CMKLR1: variants seen among roughly 807,000 people sequenced by gnomAD.
CMKLR1 encodes the protein chemerin chemokine-like receptor 1, also known as chemerin-like receptor 1.
CMKLR1 carries 6 observed loss-of-function variants against 8.2 expected under a neutral mutation model. The ratio of observed to expected loss-of-function variants is 0.73; its 90% confidence interval spans 0.40 to 1.44. The LOEUF (loss-of-function observed/expected upper bound fraction) is 1.44. Among genes scored for constraint, CMKLR1 ranks in the 40% most tolerant of loss-of-function variants. The probability of loss-of-function intolerance (pLI) is 0.02; values close to 1 mark genes in which losing one functional copy is unlikely to be tolerated. For synonymous variants in CMKLR1, 178 were observed against 181.2 expected, an observed-to-expected ratio of 0.98 and a Z score of 0.14; for missense variants, 429 against 478.0, an observed-to-expected ratio of 0.90 and a Z score of 0.96.
At position 108,291,789 on chromosome 12, in the gene CMKLR1, C is replaced by T. The variant is rs989317699; in HGVS notation, c.*52G>A. The T allele has an allele frequency of 6.5e-6, 10 of 1,544,480 alleles. No homozygotes were observed. The highest frequency in any genetic ancestry group is 1.4e-5 in the African/African-American group (1 of 72,730). On this transcript the variant is annotated 3_prime_UTR_variant, in exon 4 of 4. Coordinates refer to ENST00000550402, the MANE Select transcript of CMKLR1 (RefSeq NM_001142343.2). ...TTGCCTTGATCTTCAGAAGACATATCCTTGGGTGTCCCTGGGTTGAGAGAG... is the reference window on the plus strand; with the variant it reads ...TTGCCTTGATCTTCAGAAGACATATTCTTGGGTGTCCCTGGGTTGAGAGAG...
intron 2 of CMKLR1, among the ~76,000 whole-genome samples, chr12:108,294,115 AC>A (rs1170466590): frequency 6.6e-6 from 1 of 152,208 alleles, no homozygotes; most frequent in Non-Finnish European, 1.5e-5. Context: ...TGTGCCAAGA[AC>A]TTTTATTCTT....
At chr12:108,315,394 T>C (rs1341528709) in intron 2 of CMKLR1, among the ~76,000 whole-genome samples, 1 of 152,202 alleles carries the variant, frequency 6.6e-6, no homozygotes, top group African/African-American at 2.4e-5. Context: ...TTATGCTTCT[T>C]GTCATGTTCC....
At position 108,292,681 on chromosome 12, in the gene CMKLR1, G is replaced by C; in HGVS notation, c.282C>G (p.Ile94Met). Reference sequence around the variant, plus strand: ...AGTCCATGGCGGCATAGGTGATATGGATTGGGAGGAAGACGTTGAACAGGA... The same window carrying C: ...AGTCCATGGCGGCATAGGTGATATGCATTGGGAGGAAGACGTTGAACAGGA... ...ADFLFNVFLP[I>M]HITYAAMDYH... Residue 94 changes from isoleucine (I) to methionine (M), a missense_variant, in exon 4 of 4, where the codon ATC becomes ATG. Ile to Met is a conservative substitution (Grantham distance 10, BLOSUM62 1). Coordinates refer to ENST00000550402, the MANE Select transcript of CMKLR1 (RefSeq NM_001142343.2). The C allele has an allele frequency of 6.2e-7, 1 of 1,614,172 alleles. No individual in the cohort carries two copies. Among genetic ancestry groups the C allele is most frequent in the African/African-American group, 1.3e-5 (1 of 75,022 alleles).
Position 108,288,963 on chromosome 12 carries a change from C to CCA in CMKLR1, c.*2876_*2877dup, listed in dbSNP as rs1555250085. On this transcript the variant is annotated 3_prime_UTR_variant, in exon 4 of 4. Coordinates refer to ENST00000550402, the MANE Select transcript of CMKLR1 (RefSeq NM_001142343.2). The stretch of plus-strand genomic sequence containing the variant: ...GAAACTCACTTTCTGCACCCCCCCC[C>CCA]CACCTTGCTATGATGGTCCCCTTCT... 1 of 152,122 alleles carries CCA rather than the reference C, an allele frequency of 6.6e-6. No individual in the cohort carries two copies. Among genetic ancestry groups the CCA allele is most frequent in the African/African-American group, 2.4e-5 (1 of 41,258 alleles). The allele number at this position is 152,122 out of a possible 1,614,324, so 9.4% of individuals were successfully genotyped here.
intron 2 of CMKLR1, among the ~76,000 whole-genome samples, chr12:108,312,375 C>T (rs572266057): frequency 2.6e-5 from 4 of 152,274 alleles, no homozygotes; most frequent in Admixed American, 2.6e-4. Context: ...CTTCCTCTCC[C>T]TAGGACTTCC....
chr12:108,327,592 G>GC (rs1892008066), intron 2 of CMKLR1, among the ~76,000 whole-genome samples: 1 of 152,200 alleles, frequency 6.6e-6, no homozygotes, highest in Non-Finnish European at 1.5e-5. Context: ...TTTTCCCACT[G>GC]CCCACACATC....
At chr12:108,299,693 C>T (rs1891217714) in intron 2 of CMKLR1, among the ~76,000 whole-genome samples, 2 of 152,114 alleles carry the variant, frequency 1.3e-5, no homozygotes, top group Non-Finnish European at 2.9e-5. Context: ...GAACAGAAGG[C>T]CATGTGGGGA....
chr12:108,298,262 T>C (rs750263974), intron 2 of CMKLR1, among the ~76,000 whole-genome samples: 7 of 152,224 alleles, frequency 4.6e-5, no homozygotes, highest in Non-Finnish European at 8.8e-5. Flanking sequence ...TAATAACTAA[T>C]AATTGATTGG....
In CMKLR1 at chr12:108,292,745, A is replaced by G. The variant is rs749519428; in HGVS notation, c.218T>C (p.Val73Ala). 1 of 1,614,180 alleles carries G rather than the reference A, an allele frequency of 6.2e-7. No individual in the cohort carries two copies. Among genetic ancestry groups the G allele is most frequent in the Non-Finnish European group, 8.5e-7 (1 of 1,180,030 alleles). The stretch of plus-strand genomic sequence containing the variant: ...CAGGTTGAGGAACCAGACCATGTTC[A>G]CTGTCTTCTTCATCTTGAAGGTGGC... ...IIATFKMKKT[V>A]NMVWFLNLAV... The change falls in exon 4 of 4, where the codon GTG (valine) becomes GCG (alanine). Residue 73 changes from valine (V) to alanine (A), a missense_variant. Coordinates refer to ENST00000550402, the MANE Select transcript of CMKLR1 (RefSeq NM_001142343.2).
At chr12:108,303,964 C>A (rs1891342970) in intron 2 of CMKLR1, among the ~76,000 whole-genome samples, 1 of 152,194 alleles carries the variant, frequency 6.6e-6, no homozygotes, top group Non-Finnish European at 1.5e-5. Context: ...GGTGAGAGCA[C>A]ACCTTTTCTC....
intron 1 of CMKLR1, among the ~76,000 whole-genome samples, chr12:108,331,133 G>A (rs1892096218): frequency 6.6e-6 from 1 of 152,110 alleles, no homozygotes; most frequent in African/African-American, 2.4e-5. Context: ...GACTCAAGCT[G>A]GGAAGTTAAA....
At chr12:108,329,065 G>A (rs536661010) in intron 2 of CMKLR1, among the ~76,000 whole-genome samples, 4 of 152,186 alleles carry the variant, frequency 2.6e-5, no homozygotes, top group Non-Finnish European at 5.9e-5. Flanking sequence ...ATGAGATAAA[G>A]CCACAAACCA....
chr12:108,338,065 CTCTGAACCGCACAGG>C (rs1555254645), intron 1 of CMKLR1, among the ~76,000 whole-genome samples: 6 of 152,186 alleles, frequency 3.9e-5, no homozygotes, highest in Non-Finnish European at 1.5e-5. Context: ...GATCTGGCAT[CTCTGAACCGCACAGG>C]TCTGAGTGAT....
Position 108,291,655 on chromosome 12 carries a change from C to A in CMKLR1, c.*186G>T. The A allele has an allele frequency of 1.5e-6, 1 of 649,470 alleles. No individual in the cohort carries two copies. 40.2% of individuals were successfully genotyped at this position (649,470 alleles called of 1,614,324 possible). A position where few individuals can be genotyped will look rare whatever the true frequency, so the allele number is the denominator to read the frequency against. ...TAGTCCAAGGCTGTATGGAACACAGCATGTTCTGTCCACTAGAAGAAAGGG... is the reference window on the plus strand; with the variant it reads ...TAGTCCAAGGCTGTATGGAACACAGAATGTTCTGTCCACTAGAAGAAAGGG... On this transcript the variant is annotated 3_prime_UTR_variant, in exon 4 of 4. Coordinates refer to ENST00000550402, the MANE Select transcript of CMKLR1 (RefSeq NM_001142343.2).
At chr12:108,313,087 C>G (rs1423950283) in intron 2 of CMKLR1, among the ~76,000 whole-genome samples, 3 of 152,272 alleles carry the variant, frequency 2.0e-5, no homozygotes, top group South Asian at 4.1e-4. Flanking sequence ...GACAAATGGA[C>G]TGGCACCACT....
chr12:108,318,767 G>A (rs1283600248), intron 2 of CMKLR1, among the ~76,000 whole-genome samples: 3 of 152,234 alleles, frequency 2.0e-5, no homozygotes, highest in Non-Finnish European at 2.9e-5. Context: ...AGCCCACAAG[G>A]AGCCATGTTC....
intron 2 of CMKLR1, among the ~76,000 whole-genome samples, chr12:108,311,813 C>T (rs1486247026): frequency 1.3e-5 from 2 of 152,184 alleles, no homozygotes; most frequent in South Asian, 2.1e-4. Flanking sequence ...CTGCAGGACT[C>T]ATGGGAAGCC....
At chr12:108,293,925 C>T (rs1240196000) in intron 2 of CMKLR1, among the ~76,000 whole-genome samples, 1 of 152,186 alleles carries the variant, frequency 6.6e-6, no homozygotes, top group Non-Finnish European at 1.5e-5. Context: ...CCCAGCACAT[C>T]CCTAGCTGAC....
rs1307764096 is a variant in CMKLR1 at position 108,289,668 on chromosome 12, A to G, written c.*2173T>C. 2 of 152,242 alleles carry G rather than the reference A, an allele frequency of 1.3e-5. No individual in the cohort carries two copies. Among genetic ancestry groups the G allele is most frequent in the Non-Finnish European group, 2.9e-5 (2 of 68,052 alleles). 9.4% of individuals were successfully genotyped at this position (152,242 alleles called of 1,614,324 possible). A position where few individuals can be genotyped will look rare whatever the true frequency, so the allele number is the denominator to read the frequency against. ...ATCTCGTGCCTCAGTAAATGTGGGA[A>G]GAGGGGAGATGGGGGCCACTGAGCA... On this transcript the variant is annotated 3_prime_UTR_variant, in exon 4 of 4. Coordinates refer to ENST00000550402, the MANE Select transcript of CMKLR1 (RefSeq NM_001142343.2).
Sources: allele counts gnomAD v4.1 joint callset (sites outside exome capture counted in the v4.1 genomes callset), GRCh38; gene constraint gnomAD v4.1.1; transcripts MANE v1.5; gene names NCBI Gene and HGNC (gene_info 2026-07-23, HGNC 2026-07-21).